Variants in TIAM1 observed in about 807,000 individuals in gnomAD.
TIAM1 encodes the protein TIAM Rac1 associated GEF 1.
TIAM1 carries 65 observed loss-of-function variants against 163.5 expected under a neutral mutation model. The observed-to-expected ratio is 0.40, with a 90% CI of 0.33 to 0.49. The LOEUF (loss-of-function observed/expected upper bound fraction) is 0.49, where lower values mean the gene tolerates loss of function less well. TIAM1 is among the 20% of genes least tolerant of loss of function. TIAM1 has a pLI of 0.77. For missense variants in TIAM1, 1,789 were observed against 2,044.7 expected (o/e 0.87, Z 2.41); for synonymous variants, 833 against 810.1 (o/e 1.03, Z -0.48).
At chr21:31,297,871 A>G (rs771713507) in intron 2 of TIAM1, among the ~76,000 whole-genome samples, 3 of 152,200 alleles carry the variant, frequency 2.0e-5, no homozygotes, top group Non-Finnish European at 4.4e-5. Flanking sequence ...TTTATGATGA[A>G]CAGTTAACAG....
At chr21:31,361,476 GTGA>G (rs1569265073) in intron 2 of TIAM1, among the ~76,000 whole-genome samples, 1 of 152,144 alleles carries the variant, frequency 6.6e-6, no homozygotes, top group East Asian at 1.9e-4. Flanking sequence ...TCTCGAGCTG[GTGA>G]TGGCCACATT....
chr21:31,258,804 A>G (rs893864482), intron 4 of TIAM1, among the ~76,000 whole-genome samples: 9 of 112,518 alleles, frequency 8.0e-5, no homozygotes, highest in African/African-American at 2.5e-4. Flanking sequence ...ACAGAGTGAG[A>G]CTCCGTCTCA....
chr21:31,366,560 C>A lies in TIAM1; in HGVS notation c.-368-27138G>T, dbSNP rs199955924. 5.3e-5 allele frequency among the ~76,000 whole-genome samples: 8 copies of A among 152,284 alleles called. No individual in the cohort carries two copies. In the East Asian group the frequency reaches 1.2e-3, roughly 22 times the overall value. On this transcript the variant is annotated intron_variant, in intron 2 of 28. Transcript: ENST00000286827. ...GCACTATGTAGCCATATCCTACAGGCTTTCTTTGCAATACTTAAGTTTCCA... is the reference window on the plus strand; with the variant it reads ...GCACTATGTAGCCATATCCTACAGGATTTCTTTGCAATACTTAAGTTTCCA...
intron 14 of TIAM1, 117 bp from the exon 15 acceptor site, chr21:31,182,762 G>A (rs780620977): frequency 9.6e-6 from 10 of 1,040,566 alleles, no homozygotes; most frequent in Non-Finnish European, 1.4e-5. Context: ...AGGTGCTGCT[G>A]CAGACAGGCT....
intron 2 of TIAM1, among the ~76,000 whole-genome samples, chr21:31,445,555 T>C (rs765767462): frequency 2.6e-5 from 4 of 152,332 alleles, no homozygotes; most frequent in East Asian, 1.9e-4. Context: ...ACACAGCTCA[T>C]TGGTGACTAC....
At chr21:31,242,681 G>A (rs1013041334) in intron 6 of TIAM1, among the ~76,000 whole-genome samples, 2 of 151,968 alleles carry the variant, frequency 1.3e-5, no homozygotes, top group Non-Finnish European at 2.9e-5. Context: ...GCAGAGACCT[G>A]GCAATTTATG....
chr21:31,436,331 T>A (rs1468989369), intron 2 of TIAM1, among the ~76,000 whole-genome samples: 2 of 152,140 alleles, frequency 1.3e-5, no homozygotes, highest in Admixed American at 6.5e-5. Context: ...AAAAGATAAA[T>A]TCATTTATCT....
In TIAM1 at chr21:31,275,960, C is replaced by T. The variant is rs117238537; in HGVS notation, c.-12+772G>A. ...CTTATTAAAATAAACGTAATCATTA[C>T]CCTTCTATGACTTGAAAACAGGCCT... On this transcript the variant is annotated intron_variant, in intron 3 of 27. Transcript: ENST00000541036. Among the ~76,000 whole-genome samples the T allele has an allele frequency of 4.6e-5, 7 of 152,228 alleles. No homozygotes were observed. In the East Asian group the frequency reaches 9.6e-4, roughly 21 times the overall value.
At chr21:31,260,108 CTT>C (rs563555244) in intron 4 of TIAM1, among the ~76,000 whole-genome samples, 52 of 131,132 alleles carry the variant, frequency 4.0e-4, no homozygotes, top group Non-Finnish European at 6.4e-4. Flanking sequence ...CTAATTTTTC[CTT>C]TTTTTTTTTT....
intron 1 of TIAM1, among the ~76,000 whole-genome samples, chr21:31,478,317 C>T (rs1224986559): frequency 6.6e-6 from 1 of 152,142 alleles, no homozygotes; most frequent in Non-Finnish European, 1.5e-5. Context: ...ACCAAGCTTT[C>T]TGTTTAGTCT....
At chr21:31,316,249 C>A (rs114095336) in intron 2 of TIAM1, among the ~76,000 whole-genome samples, 2,042 of 152,058 alleles carry the variant, frequency 0.013, 58 homozygotes, top group African/African-American at 0.047. Context: ...CTGTTTCCTG[C>A]CTCCCACAGA....
intron 1 of TIAM1, among the ~76,000 whole-genome samples, chr21:31,490,622 C>T (rs911686369): frequency 6.6e-6 from 1 of 152,220 alleles, no homozygotes; most frequent in African/African-American, 2.4e-5. Context: ...CCTCCCATTA[C>T]TCCTTGCCTG....
chr21:31,118,756 C>G lies in TIAM1; in HGVS notation c.*1612G>C. On this transcript the variant is annotated 3_prime_UTR_variant, in exon 28 of 28. Coordinates refer to ENST00000541036, the MANE Select transcript of TIAM1 (RefSeq NM_001353694.2). ...CCATTCTAAAGCTTTTTCAGAAAAC[C>G]AGAAGATATAGCAAAAATTTAATAG... The G allele has an allele frequency of 2.5e-6, 1 of 399,590 alleles. No homozygotes were observed. The highest frequency in any genetic ancestry group is 5.1e-6 in the Non-Finnish European group (1 of 197,052). 24.8% of individuals were successfully genotyped at this position (399,590 alleles called of 1,614,324 possible).
chr21:31,406,101 T>C (rs1482875029), intron 2 of TIAM1, among the ~76,000 whole-genome samples: 2 of 151,900 alleles, frequency 1.3e-5, no homozygotes, highest in Admixed American at 1.3e-4. Context: ...GATCACTGGC[T>C]TAGCAGTGAT....
chr21:31,306,263 G>A (rs1428769352), intron 2 of TIAM1, among the ~76,000 whole-genome samples: 1 of 151,580 alleles, frequency 6.6e-6, no homozygotes, highest in Non-Finnish European at 1.5e-5. Flanking sequence ...TGGCTTGGAT[G>A]AAAGAGCAAG....
Position 31,120,307 on chromosome 21 carries a change from G to C in TIAM1, c.*61C>G, listed in dbSNP as rs1037779077. On this transcript the variant is annotated 3_prime_UTR_variant, in exon 28 of 28. Coordinates refer to ENST00000541036, the MANE Select transcript of TIAM1 (RefSeq NM_001353694.2). This position sits in a 1 kb window ranked among gnomAD's most constrained non-coding sequence, Gnocchi z 4.2. ...GGACATTCTTGTCGACGGTACAGGA[G>C]GGTGGGCAGAGTTAGGGCAGGAAGT... 2.0e-6 allele frequency: 3 copies of C among 1,487,706 alleles called. No individual in the cohort carries two copies. Among genetic ancestry groups the C allele is most frequent in the African/African-American group, 2.8e-5 (2 of 72,020 alleles). 92.2% of individuals were successfully genotyped at this position (1,487,706 alleles called of 1,614,324 possible).
At chr21:31,408,663 C>A (rs971120705) in intron 2 of TIAM1, among the ~76,000 whole-genome samples, 1 of 152,178 alleles carries the variant, frequency 6.6e-6, no homozygotes, top group Non-Finnish European at 1.5e-5. Context: ...GAATGGGGAG[C>A]AAATTCCTAT....
intron 1 of TIAM1, among the ~76,000 whole-genome samples, chr21:31,523,203 A>T (rs1237876065): frequency 6.6e-6 from 1 of 152,242 alleles, no homozygotes. Flanking sequence ...CAAAGTACAG[A>T]GCTACAGCAT....
At position 31,503,459 on chromosome 21, in the gene TIAM1, G is replaced by A. The variant is rs187738907; in HGVS notation, c.-421-39424C>T. Among the ~76,000 whole-genome samples, 482 of 66,214 alleles carry A rather than the reference G, an allele frequency of 7.3e-3. 16 individuals are homozygous for A. Among genetic ancestry groups the A allele is most frequent in the African/African-American group, 0.034 (450 of 13,354 alleles). 43.4% of individuals were successfully genotyped at this position (66,214 alleles called of 152,430 possible). ...GAAGGAAAGAAGGAAGGAAGGAAGGGAGGGAGGAAGGGAGGGAGGGAGGGA... is the reference window on the plus strand; with the variant it reads ...GAAGGAAAGAAGGAAGGAAGGAAGGAAGGGAGGAAGGGAGGGAGGGAGGGA... On this transcript the variant is annotated intron_variant, in intron 1 of 28. Coordinates refer to the TIAM1 transcript ENST00000286827.
Sources: allele counts gnomAD v4.1 joint callset (sites outside exome capture counted in the v4.1 genomes callset), GRCh38; gene constraint gnomAD v4.1.1; non-coding constraint Gnocchi (gnomAD v3.1); transcripts MANE v1.5; gene names NCBI Gene and HGNC (gene_info 2026-07-23, HGNC 2026-07-21).